PGCKA1: variants seen among roughly 807,000 people sequenced by gnomAD.
The protein encoded by PGCKA1 is PDCD10 and GCKIII kinases-associated protein 1.
the PGCKA1 span, among the ~76,000 whole-genome samples, chr4:37,505,251 C>T: frequency 6.6e-6 from 1 of 152,136 alleles, no homozygotes; most frequent in Non-Finnish European, 1.5e-5. Context: ...ATCCTTGCAT[C>T]CCTGGAATAT....
chr4:37,517,958 C>T, the PGCKA1 span, among the ~76,000 whole-genome samples: 4 of 152,166 alleles, frequency 2.6e-5, no homozygotes, highest in Non-Finnish European at 5.9e-5. Flanking sequence ...TATGCTCTGT[C>T]TGTGAGTTCA....
At chr4:37,490,344 A>G in the PGCKA1 span, among the ~76,000 whole-genome samples, 1 of 152,286 alleles carries the variant, frequency 6.6e-6, no homozygotes, top group East Asian at 1.9e-4. Flanking sequence ...TCTTAAATGT[A>G]GAGACCCCTT....
the PGCKA1 span, among the ~76,000 whole-genome samples, chr4:37,558,411 G>T: frequency 6.6e-6 from 1 of 152,082 alleles, no homozygotes; most frequent in Non-Finnish European, 1.5e-5. Flanking sequence ...CCATGCCTCA[G>T]AACAGTGGCT....
chr4:37,526,618 C>T, the PGCKA1 span, among the ~76,000 whole-genome samples: 1 of 152,284 alleles, frequency 6.6e-6, no homozygotes, highest in African/African-American at 2.4e-5. Context: ...ACAGGGATCT[C>T]ATAAAATTAT....
the PGCKA1 span, among the ~76,000 whole-genome samples, chr4:37,543,653 C>T: frequency 8.9e-6 from 1 of 112,178 alleles, no homozygotes; most frequent in Non-Finnish European, 1.8e-5. Flanking sequence ...CACGGTGAAA[C>T]CCATCTCTAC....
the PGCKA1 span, among the ~76,000 whole-genome samples, chr4:37,479,451 C>T: frequency 1.3e-5 from 2 of 151,940 alleles, no homozygotes; most frequent in Admixed American, 1.3e-4. Flanking sequence ...ATTCCACAGA[C>T]ATGGAGTTTT....
chr4:37,524,489 G>A, the PGCKA1 span, among the ~76,000 whole-genome samples: 1 of 152,220 alleles, frequency 6.6e-6, no homozygotes, highest in East Asian at 1.9e-4. Flanking sequence ...GCTTCCCCCA[G>A]GGGGAGCAAC....
chr4:37,588,667 T>C, the PGCKA1 span: 1 of 555,494 alleles, frequency 1.8e-6, no homozygotes, highest in Admixed American at 3.0e-5. Flanking sequence ...GAAGCGGTGA[T>C]GGAAATGGGG....
At chr4:37,497,536 A>G in the PGCKA1 span, among the ~76,000 whole-genome samples, 1 of 152,166 alleles carries the variant, frequency 6.6e-6, no homozygotes, top group Admixed American at 6.5e-5. Flanking sequence ...ATCCATGCCA[A>G]CATCTACTGT....
chr4:37,544,858 G>GT, the PGCKA1 span, among the ~76,000 whole-genome samples: 1 of 149,028 alleles, frequency 6.7e-6, no homozygotes, highest in Admixed American at 6.7e-5. Flanking sequence ...TCTGTTTTTT[G>GT]TTTTTTTGTT....
the PGCKA1 span, among the ~76,000 whole-genome samples, chr4:37,479,598 G>T: frequency 6.6e-6 from 1 of 152,194 alleles, no homozygotes; most frequent in East Asian, 1.9e-4. Context: ...TTATCTGAGG[G>T]AGGCAGTGGG....
the PGCKA1 span, among the ~76,000 whole-genome samples, chr4:37,522,110 G>C: frequency 6.6e-6 from 1 of 152,088 alleles, no homozygotes; most frequent in Non-Finnish European, 1.5e-5. Context: ...AGGCCCTGGA[G>C]CTCTACAATC....
the PGCKA1 span, among the ~76,000 whole-genome samples, chr4:37,561,709 A>G: frequency 6.6e-6 from 1 of 152,236 alleles, no homozygotes; most frequent in Non-Finnish European, 1.5e-5. Flanking sequence ...ACTTCAAACA[A>G]GGAGTTAGTG....
chr4:37,494,065 A>G, the PGCKA1 span, among the ~76,000 whole-genome samples: 1 of 152,204 alleles, frequency 6.6e-6, no homozygotes, highest in South Asian at 2.1e-4. Context: ...TGATATCCTA[A>G]TTTCCTTTCT....
the PGCKA1 span, among the ~76,000 whole-genome samples, chr4:37,570,826 CTTGACCCT>C: frequency 2.0e-5 from 3 of 152,220 alleles, no homozygotes; most frequent in South Asian, 2.1e-4. Flanking sequence ...GCCGGACGTC[CTTGACCCT>C]TGGAATTGCA....
chr4:37,462,792 AGG>A, the PGCKA1 span, among the ~76,000 whole-genome samples: 1 of 152,008 alleles, frequency 6.6e-6, no homozygotes, highest in Non-Finnish European at 1.5e-5. Flanking sequence ...CAGGAGATCG[AGG>A]CCATCCTGGC....
At chr4:37,474,940 A>G in the PGCKA1 span, among the ~76,000 whole-genome samples, 393 of 152,310 alleles carry the variant, frequency 2.6e-3, 3 homozygotes, top group African/African-American at 9.2e-3. Context: ...TGTTTATAAA[A>G]AATTAGTAGA....
chr4:37,455,392 G>C, the PGCKA1 span, among the ~76,000 whole-genome samples: 1 of 152,200 alleles, frequency 6.6e-6, no homozygotes, highest in Non-Finnish European at 1.5e-5. Context: ...TTTCCCTAAA[G>C]TGTGAAGAGT....
At chr4:37,496,477 C>A in the PGCKA1 span, among the ~76,000 whole-genome samples, 1 of 152,142 alleles carries the variant, frequency 6.6e-6, no homozygotes, top group African/African-American at 2.4e-5. Context: ...TGCTTTTGTA[C>A]CAGTACCATG....
Sources: allele counts gnomAD v4.1 joint callset (sites outside exome capture counted in the v4.1 genomes callset), GRCh38; gene constraint gnomAD v4.1.1; transcripts MANE v1.5; gene names NCBI Gene and HGNC (gene_info 2026-07-23, HGNC 2026-07-21).